LPP: variants seen among roughly 807,000 people sequenced by gnomAD.
LPP encodes lipoma-preferred partner.
A neutral mutation model predicts 60.4 loss-of-function variants in LPP; 38 were observed. The ratio of observed to expected loss-of-function variants is 0.63; its 90% CI spans 0.49 to 0.83. LPP has a LOEUF of 0.83. Ranked by LOEUF, LPP falls within the 40% of genes least tolerant of loss-of-function variation. The probability of loss-of-function intolerance (pLI) is 0.00; values close to 1 mark genes in which losing one functional copy is unlikely to be tolerated. For synonymous variants in LPP, 328 were observed against 290.8 expected, an observed-to-expected ratio of 1.13 and a Z score of -1.30; for missense variants, 902 against 783.6, an observed-to-expected ratio of 1.15 and a Z score of -1.80.
intron 7 of LPP, among the ~76,000 whole-genome samples, chr3:188,663,004 T>G (rs1403097872): frequency 6.6e-6 from 1 of 152,228 alleles, no homozygotes; most frequent in Non-Finnish European, 1.5e-5. Context: ...TTTAATGAAC[T>G]TCTGAACTGA....
chr3:188,254,933 G>T (rs1054616499), intron 2 of LPP, among the ~76,000 whole-genome samples: 1 of 152,114 alleles, frequency 6.6e-6, no homozygotes, highest in Non-Finnish European at 1.5e-5. Flanking sequence ...TCTCTGTGTA[G>T]TACTGGATAA....
chr3:188,828,160 G>A (rs182153468), intron 9 of LPP, among the ~76,000 whole-genome samples: 3 of 152,158 alleles, frequency 2.0e-5, no homozygotes, highest in African/African-American at 7.2e-5. Flanking sequence ...TTCCATTCTA[G>A]TGGGGACACA....
intron 7 of LPP, among the ~76,000 whole-genome samples, chr3:188,668,635 A>C (rs1856308627): frequency 6.6e-6 from 1 of 152,230 alleles, no homozygotes; most frequent in South Asian, 2.1e-4. Flanking sequence ...TCTCTGATGC[A>C]TCAATCTGCG....
chr3:188,220,630 G>C (rs1010154983), intron 1 of LPP, among the ~76,000 whole-genome samples: 1 of 152,202 alleles, frequency 6.6e-6, no homozygotes, highest in Non-Finnish European at 1.5e-5. Context: ...CTGCTTAAGA[G>C]ACAGCAGAAA....
chr3:188,195,688 C>T (rs1729336275), intron 1 of LPP, among the ~76,000 whole-genome samples: 1 of 152,100 alleles, frequency 6.6e-6, no homozygotes, highest in Admixed American at 6.6e-5. Context: ...TGTAAAATAT[C>T]TTATTAATAA....
intron 2 of LPP, chr3:188,239,865 A>G (rs1723270854): frequency 4.7e-6 from 1 of 212,128 alleles, no homozygotes; most frequent in Non-Finnish European, 9.6e-6. Flanking sequence ...GAGGGCTTGG[A>G]TGGGTATTTG....
intron 7 of LPP, among the ~76,000 whole-genome samples, chr3:188,612,572 T>C (rs533625790): frequency 6.6e-6 from 1 of 152,206 alleles, no homozygotes; most frequent in Non-Finnish European, 1.5e-5. Flanking sequence ...CTTTACTAAT[T>C]AATTAATGAT....
At position 188,518,847 on chromosome 3, in the gene LPP, A is replaced by G. The variant is rs189434770; in HGVS notation, c.307-5818A>G. 4.8e-4 allele frequency among the ~76,000 whole-genome samples: 73 copies of G among 152,182 alleles called. 1 individual carries two copies. The highest frequency in any genetic ancestry group is 1.7e-3 in the African/African-American group (69 of 41,496). On this transcript the variant is annotated intron_variant, in intron 5 of 11. Coordinates refer to ENST00000617246, the MANE Select transcript of LPP (RefSeq NM_001375462.1). ...CCTTTTGTTTCCTTTAATATCCTGG[A>G]TAAGATTTTCCTATGTAACAGTTTT... is the stretch of plus-strand genomic sequence containing the variant.
chr3:188,190,608 A>G (rs1180671533), intron 1 of LPP, among the ~76,000 whole-genome samples: 1 of 152,180 alleles, frequency 6.6e-6, no homozygotes, highest in Non-Finnish European at 1.5e-5. Context: ...AACAAAGTAA[A>G]CAGGTGCATA....
intron 4 of LPP, among the ~76,000 whole-genome samples, chr3:188,419,463 G>C (rs968123197): frequency 6.6e-6 from 1 of 152,194 alleles, no homozygotes; most frequent in African/African-American, 2.4e-5. Flanking sequence ...GAAAGACTCA[G>C]GGAGGCAGTG....
intron 9 of LPP, among the ~76,000 whole-genome samples, chr3:188,856,004 C>T (rs975301327): frequency 2.6e-5 from 4 of 152,256 alleles, no homozygotes; most frequent in Middle Eastern, 3.4e-3. Context: ...TTTTCTCTAT[C>T]AAGGCCTCAT....
intron 1 of LPP, among the ~76,000 whole-genome samples, chr3:188,203,578 A>AAAAATATATATAAAT (rs1732191204): frequency 2.1e-5 from 2 of 96,204 alleles, no homozygotes; most frequent in Non-Finnish European, 3.9e-5. Context: ...TATATATTTA[A>AAAAATATATATAAAT]ATATATATAT....
chr3:188,458,617 C>T (rs755171653), intron 4 of LPP, among the ~76,000 whole-genome samples: 7 of 152,218 alleles, frequency 4.6e-5, no homozygotes, highest in Non-Finnish European at 7.3e-5. Context: ...ACACCTATTC[C>T]TTTCCCTCAC....
chr3:188,823,482 G>A (rs938807814), intron 9 of LPP, among the ~76,000 whole-genome samples: 39 of 151,978 alleles, frequency 2.6e-4, no homozygotes, highest in African/African-American at 8.9e-4. Context: ...CTTGGGGGGA[G>A]CAGAAAAAAA....
rs552624147 is a variant in LPP at position 188,423,386 on chromosome 3, A to T, written c.193+17073A>T. On this transcript the variant is annotated intron_variant, in intron 4 of 11. Transcript: ENST00000617246. ...TTGGTTCCAAATCTTTGCTATTGTGAATAGTGCTGCAATAAATATACGTGT... is the reference window on the plus strand; with the variant it reads ...TTGGTTCCAAATCTTTGCTATTGTGTATAGTGCTGCAATAAATATACGTGT... Among the ~76,000 whole-genome samples, 86 of 152,220 alleles carry T rather than the reference A, an allele frequency of 5.6e-4. 1 individual carries two copies. Among genetic ancestry groups the T allele is most frequent in the Non-Finnish European group, 9.7e-4 (66 of 68,038 alleles).
chr3:188,458,285 A>G (rs947184012), intron 4 of LPP, among the ~76,000 whole-genome samples: 3 of 152,218 alleles, frequency 2.0e-5, no homozygotes, highest in African/African-American at 4.8e-5. Context: ...CACATGAAAC[A>G]TTAAATATTA....
chr3:188,664,464 A>T (rs1170487874), intron 7 of LPP, among the ~76,000 whole-genome samples: 1 of 152,232 alleles, frequency 6.6e-6, no homozygotes. Context: ...AACAACTGTG[A>T]AGTTCAAGTC....
At chr3:188,615,812 T>G (rs56075890) in intron 7 of LPP, among the ~76,000 whole-genome samples, 15,310 of 152,224 alleles carry the variant, frequency 0.1, 795 homozygotes, top group African/African-American at 0.13. Context: ...ATTGTTGTTT[T>G]GATTTGCATT....
At chr3:188,168,518 G>A (rs565881247) in intron 1 of LPP, among the ~76,000 whole-genome samples, 2 of 152,208 alleles carry the variant, frequency 1.3e-5, no homozygotes, top group East Asian at 1.9e-4. Context: ...CCTCTCTAAT[G>A]CTTAAGTCTA....
Sources: gnomAD v4.1 joint callset for allele counts (sites outside exome capture counted in the v4.1 genomes callset) on GRCh38, gnomAD v4.1.1 for gene constraint, MANE v1.5 for transcripts, NCBI Gene and HGNC (gene_info 2026-07-23, HGNC 2026-07-21) for gene names.